ZNF57: variants seen among roughly 807,000 people sequenced by gnomAD.
ZNF57 encodes the protein zinc finger protein 57, also known as zinc finger protein 424.
In ZNF57, 11 loss-of-function variants were observed where a neutral mutation model predicts 13.4. The ratio of observed to expected loss-of-function variants is 0.82; its 90% CI spans 0.52 to 1.36. The LOEUF (loss-of-function observed/expected upper bound fraction) is 1.36. ZNF57 is among the 40% of genes most tolerant of loss of function. ZNF57 has a pLI of 0.00. For synonymous variants in ZNF57, 224 were observed against 238.5 expected, an observed-to-expected ratio of 0.94 and a Z score of 0.56; for missense variants, 696 against 667.5, an observed-to-expected ratio of 1.04 and a Z score of -0.47.
At position 2,917,580 on chromosome 19, in the gene ZNF57, C is replaced by G; in HGVS notation, c.959C>G (p.Ser320Cys). The G allele has an allele frequency of 6.2e-7, 1 of 1,613,256 alleles. No homozygotes were observed. The highest frequency in any genetic ancestry group is 8.5e-7 in the Non-Finnish European group (1 of 1,179,636). The stretch of plus-strand genomic sequence containing the variant: ...CAGTGTGGGAAAACATTCAGTTGGT[C>G]TGAAACCTTGCGAGTCCACATGAGG... ...CKQCGKTFSWSETLRVHMRIH... is the reference protein window; with the variant it reads ...CKQCGKTFSWCETLRVHMRIH... The change falls in exon 4 of 4, where the codon TCT becomes TGT. Residue 320 changes from serine to cysteine, a missense_variant. Ser to Cys is a moderately radical substitution (Grantham distance 112). Around this residue, in one of 3 missense-constraint regions of ZNF57, gnomAD observed 645 missense variants for 591.5 expected, o/e 1.09. Transcript: ENST00000306908.
At chr19:2,916,858 G>C in intron 3 of ZNF57, 66 bp from the exon 4 acceptor site, 1 of 1,353,174 alleles carries the variant, frequency 7.4e-7, no homozygotes, top group Non-Finnish European at 1.0e-6. Flanking sequence ...TCTAATACTT[G>C]TTAATACATC....
intron 1 of ZNF57, among the ~76,000 whole-genome samples, chr19:2,910,457 C>CTTTTTTTT (rs1212426647): frequency 1.2e-4 from 1 of 8,630 alleles, no homozygotes; most frequent in Non-Finnish European, 3.2e-4. Context: ...CTTTTCTTTT[C>CTTTTTTTT]TTTTTTTTTT....
chr19:2,911,441 G>A (rs947611462), intron 1 of ZNF57, among the ~76,000 whole-genome samples: 3 of 152,116 alleles, frequency 2.0e-5, no homozygotes, highest in Non-Finnish European at 2.9e-5. Context: ...GCTGATGCGG[G>A]AGAATCTCCT....
chr19:2,916,405 CAT>C, intron 3 of ZNF57, 156 bp downstream of exon 3: 1 of 703,672 alleles, frequency 1.4e-6, no homozygotes, highest in East Asian at 2.9e-5. Context: ...GAATTTGAAA[CAT>C]AATTGTTAGA....
chr19:2,906,305 C>G (rs1326433850), intron 1 of ZNF57, among the ~76,000 whole-genome samples: 1 of 152,246 alleles, frequency 6.6e-6, no homozygotes, highest in South Asian at 2.1e-4. Flanking sequence ...CCTCCCGCCT[C>G]AGCCTCCCAA....
intron 3 of ZNF57, 94 bp from the exon 4 acceptor site, chr19:2,916,830 A>G (rs2088203433): frequency 1.8e-6 from 2 of 1,123,624 alleles, no homozygotes; most frequent in South Asian, 3.6e-5. Flanking sequence ...GTATACTGAA[A>G]TGTAGTTAGA....
chr19:2,900,932 C>T lies in ZNF57; in HGVS notation c.-114C>T, dbSNP rs12981209. ...CCGAGGGCGGGACGTTTCGTCCTCC[C>T]TGCCGCGCGTGCCCTGCCTACCACG... On this transcript the variant is annotated 5_prime_UTR_variant, in exon 1 of 4. Coordinates refer to ENST00000306908, the MANE Select transcript of ZNF57 (RefSeq NM_173480.3). 1,179,378 of 1,382,414 alleles carry T rather than the reference C, an allele frequency of 0.85. 506,391 individuals are homozygous for T. The highest frequency in any genetic ancestry group is 0.88 in the Non-Finnish European group (893,965 of 1,017,132). The allele number at this position is 1,382,414 out of a possible 1,614,324, so 85.6% of individuals were successfully genotyped here.
At chr19:2,911,318 G>A (rs1040991903) in intron 1 of ZNF57, among the ~76,000 whole-genome samples, 1 of 152,044 alleles carries the variant, frequency 6.6e-6, no homozygotes, top group African/African-American at 2.4e-5. Context: ...ATCACCTGAG[G>A]TCAGGAGTTT....
chr19:2,916,866 A>G, intron 3 of ZNF57, 58 bp from the exon 4 acceptor site: 1 of 1,396,122 alleles, frequency 7.2e-7, no homozygotes, highest in South Asian at 1.4e-5. Context: ...TTGTTAATAC[A>G]TCTCAACACA....
At chr19:2,901,173 A>C in intron 1 of ZNF57, 125 bp downstream of exon 1, 1 of 1,215,234 alleles carries the variant, frequency 8.2e-7, no homozygotes, top group South Asian at 1.7e-5. Flanking sequence ...CAGGACTAGC[A>C]CCTGGGACCC....
chr19:2,913,502 T>A (rs1358817991), intron 1 of ZNF57, among the ~76,000 whole-genome samples: 1 of 152,212 alleles, frequency 6.6e-6, no homozygotes, highest in Non-Finnish European at 1.5e-5. Context: ...TGTCTTTATT[T>A]TACATCCATC....
chr19:2,917,251 C>T lies in ZNF57; in HGVS notation c.630C>T (p.Tyr210=), dbSNP rs758678803. ...ACGQTFQHPR[Y]LSHHVKTHTA... ...GGCAAACTTTCCAACATCCTCGTTA[C>T]CTCTCCCACCACGTAAAGACTCACA... Residue 210 remains tyrosine, a synonymous_variant, in exon 4 of 4, where the codon TAC becomes TAT. Coordinates refer to ENST00000306908, the MANE Select transcript of ZNF57 (RefSeq NM_173480.3). 5 of 1,614,208 alleles carry T rather than the reference C, an allele frequency of 3.1e-6. No individual in the cohort carries two copies. Among genetic ancestry groups the T allele is most frequent in the Non-Finnish European group, 4.2e-6 (5 of 1,180,042 alleles).
At chr19:2,907,009 TTCGAGAACCTCTCCAGAGGAG>T (rs1361747718) in intron 1 of ZNF57, 2 of 151,604 alleles carry the variant, frequency 1.3e-5, no homozygotes, top group Non-Finnish European at 2.9e-5. Context: ...GAGCGGAGGC[TTCGAGAACCTCTCCAGAGGAG>T]TCCAGGCGGG....
intron 1 of ZNF57, among the ~76,000 whole-genome samples, chr19:2,901,920 T>C (rs1380550132): frequency 6.6e-6 from 1 of 152,056 alleles, no homozygotes; most frequent in Non-Finnish European, 1.5e-5. Flanking sequence ...GCGGCGACGA[T>C]GTTTCAAAGT....
chr19:2,904,667 G>A (rs561609611), intron 1 of ZNF57, among the ~76,000 whole-genome samples: 7 of 152,058 alleles, frequency 4.6e-5, no homozygotes, highest in Admixed American at 1.3e-4. Context: ...TCAGCCTCCC[G>A]AATAGCTGTG....
At chr19:2,903,801 G>C (rs7252731) in intron 1 of ZNF57, among the ~76,000 whole-genome samples, 3 of 151,384 alleles carry the variant, frequency 2.0e-5, no homozygotes, top group Non-Finnish European at 2.9e-5. Context: ...TGCAGGCTCC[G>C]CCCTCCGGGG....
intron 1 of ZNF57, among the ~76,000 whole-genome samples, chr19:2,911,296 C>G (rs2088132930): frequency 6.6e-6 from 1 of 151,926 alleles, no homozygotes; most frequent in Admixed American, 6.6e-5. Flanking sequence ...TCTGGGAGGC[C>G]GAGGTGGGTG....
chr19:2,918,233 T>C lies in ZNF57; in HGVS notation c.1612T>C (p.Ser538Pro), dbSNP rs1261693220. 1 of 1,613,226 alleles carries C rather than the reference T, an allele frequency of 6.2e-7. No homozygotes were observed. Among genetic ancestry groups the C allele is most frequent in the Non-Finnish European group, 8.5e-7 (1 of 1,179,580 alleles). Residue 538 changes from serine to proline, a missense_variant, in exon 4 of 4, where the codon TCA becomes CCA. Ser to Pro is a moderately conservative substitution (Grantham distance 74). This residue lies in a region of ZNF57 where 645 missense variants were observed against 591.5 expected (regional missense o/e 1.09). Coordinates refer to ENST00000306908, the MANE Select transcript of ZNF57 (RefSeq NM_173480.3). ...GQKSHECQSY[S>P]KAFSCQVILS... ...GAAATCCCACGAATGTCAGTCATAC[T>C]CAAAAGCCTTCAGTTGCCAAGTCAT...
chr19:2,910,568 C>T lies in ZNF57; in HGVS notation c.4-4954C>T, dbSNP rs1222565501. Among the ~76,000 whole-genome samples the T allele has an allele frequency of 5.9e-5, 6 of 102,458 alleles. 2 individuals are homozygous for T. Among genetic ancestry groups the T allele is most frequent in the Admixed American group, 3.6e-4 (3 of 8,304 alleles). 67.2% of individuals were successfully genotyped at this position (102,458 alleles called of 152,430 possible). A position where few individuals can be genotyped will look rare whatever the true frequency, so the allele number is the denominator to read the frequency against. ...CGCCGCCTCCTGGGTTCACGCCATT[C>T]TCCTGCCTCAGCCTCCCCAGCAGCT... On this transcript the variant is annotated intron_variant, in intron 1 of 3. Coordinates refer to ENST00000306908, the MANE Select transcript of ZNF57 (RefSeq NM_173480.3).
Sources: allele counts gnomAD v4.1 joint callset (sites outside exome capture counted in the v4.1 genomes callset), GRCh38; gene constraint gnomAD v4.1.1; regional missense constraint gnomAD v4.1.1; transcripts MANE v1.5; gene names NCBI Gene and HGNC (gene_info 2026-07-23, HGNC 2026-07-21).